SYNPO2: variants seen among roughly 807,000 people sequenced by gnomAD.
SYNPO2 encodes synaptopodin 2, also known as synaptopodin-2.
A neutral mutation model predicts 85.0 loss-of-function variants in SYNPO2; 56 were observed. The ratio of observed to expected loss-of-function variants is 0.66; its 90% CI spans 0.53 to 0.82. SYNPO2 has a LOEUF of 0.82. Among genes scored for constraint, SYNPO2 ranks in the 40% least tolerant of loss-of-function variants. The pLI, the probability that SYNPO2 is intolerant of heterozygous loss-of-function variation, is 0.00. For missense variants in SYNPO2, 1,575 were observed against 1,534.2 expected (o/e 1.03, Z -0.44); for synonymous variants, 602 against 591.1 (o/e 1.02, Z -0.27).
At chr4:118,856,935 A>C (rs1179412165) in intron 1 of SYNPO2, among the ~76,000 whole-genome samples, 1 of 152,198 alleles carries the variant, frequency 6.6e-6, no homozygotes, top group African/African-American at 2.4e-5. Context: ...TATTTTAAGT[A>C]AAGAATATGA....
At chr4:119,033,202 A>G in intron 4 of SYNPO2, 1 of 985,394 alleles carries the variant, frequency 1.0e-6, no homozygotes, top group Non-Finnish European at 1.2e-6. Flanking sequence ...GTAGGGTGAG[A>G]GCACACAATT....
At chr4:118,908,845 C>G (rs1197378873) in intron 1 of SYNPO2, among the ~76,000 whole-genome samples, 1 of 152,074 alleles carries the variant, frequency 6.6e-6, no homozygotes, top group Non-Finnish European at 1.5e-5. Context: ...CACAAAAGTA[C>G]TATAAAAACC....
chr4:118,937,687 A>C (rs28489518), intron 1 of SYNPO2, among the ~76,000 whole-genome samples: 1 of 152,198 alleles, frequency 6.6e-6, no homozygotes, highest in African/African-American at 2.4e-5. Flanking sequence ...AAGAAAAAAA[A>C]ATATAACTTT....
At chr4:118,974,708 T>C (rs1387638624) in intron 1 of SYNPO2, among the ~76,000 whole-genome samples, 2 of 152,206 alleles carry the variant, frequency 1.3e-5, no homozygotes, top group African/African-American at 2.4e-5. Context: ...TATGTTTCTT[T>C]CTTCTACCAA....
At chr4:118,893,252 A>G (rs556859116) in intron 1 of SYNPO2, among the ~76,000 whole-genome samples, 3 of 152,204 alleles carry the variant, frequency 2.0e-5, no homozygotes, top group Non-Finnish European at 4.4e-5. Flanking sequence ...CTTATTTTGG[A>G]ATTGTATATT....
Position 119,031,470 on chromosome 4 carries a change from C to G in SYNPO2, c.2695C>G (p.Arg899Gly), listed in dbSNP as rs1454997411. Residue 899 changes from arginine to glycine, a missense_variant, in exon 4 of 5, where the codon CGA (arginine) becomes GGA (glycine). This residue lies in a region of SYNPO2 where 1,508 missense variants were observed against 1,446.8 expected (regional missense o/e 1.04). Coordinates refer to ENST00000307142, the MANE Select transcript of SYNPO2 (RefSeq NM_133477.3). ...DSDTVQAHAA[R>G]AQSPTPSLPA... ...AGACACGGTGCAGGCCCACGCTGCT[C>G]GAGCTCAGTCTCCCACTCCATCTCT... 1.2e-6 allele frequency: 2 copies of G among 1,614,066 alleles called. No homozygotes were observed. Among genetic ancestry groups the G allele is most frequent in the African/African-American group, 1.3e-5 (1 of 74,998 alleles).
chr4:118,870,865 C>T (rs1731787139), intron 1 of SYNPO2, among the ~76,000 whole-genome samples: 1 of 152,158 alleles, frequency 6.6e-6, no homozygotes, highest in East Asian at 1.9e-4. Context: ...CAAAACTGCA[C>T]ATCCTGCATA....
At chr4:118,988,320 T>C (rs537720143) in intron 1 of SYNPO2, among the ~76,000 whole-genome samples, 5 of 152,140 alleles carry the variant, frequency 3.3e-5, no homozygotes, top group Non-Finnish European at 7.4e-5. Context: ...GTGTTTTTTT[T>C]TTTTCCTGGG....
At chr4:118,999,899 T>C (rs1736762433) in intron 1 of SYNPO2, among the ~76,000 whole-genome samples, 1 of 152,214 alleles carries the variant, frequency 6.6e-6, no homozygotes, top group South Asian at 2.1e-4. Flanking sequence ...AGATGTTCAA[T>C]ACCACCGTGT....
chr4:119,015,490 G>A (rs1737492258), intron 1 of SYNPO2, among the ~76,000 whole-genome samples: 1 of 152,128 alleles, frequency 6.6e-6, no homozygotes, highest in South Asian at 2.1e-4. Flanking sequence ...TTGGGTACAT[G>A]AGATGTTTAT....
intron 1 of SYNPO2, among the ~76,000 whole-genome samples, chr4:118,994,578 G>T (rs574319103): frequency 3.3e-5 from 5 of 152,236 alleles, no homozygotes; most frequent in African/African-American, 9.6e-5. Context: ...AGTACTAATT[G>T]GTTACAGAGG....
chr4:118,976,633 G>C (rs542133572), intron 1 of SYNPO2, among the ~76,000 whole-genome samples: 90 of 152,172 alleles, frequency 5.9e-4, no homozygotes, highest in African/African-American at 2.0e-3. Context: ...GTCCCCATCA[G>C]ATTAGTTAGA....
At chr4:118,962,509 A>C (rs915162870) in intron 1 of SYNPO2, among the ~76,000 whole-genome samples, 8 of 152,236 alleles carry the variant, frequency 5.3e-5, no homozygotes. Flanking sequence ...TAAAAACATT[A>C]ACCCTGCTAG....
Position 118,952,761 on chromosome 4 carries a change from G to A in SYNPO2, c.105+63620G>A, listed in dbSNP as rs1734743139. On this transcript the variant is annotated intron_variant, in intron 1 of 4. Coordinates refer to ENST00000307142, the MANE Select transcript of SYNPO2 (RefSeq NM_133477.3). ...TTTAGCACATTTGTTCAAAAATGAG[G>A]ATTTGCTCTCTCAGCAATGATACCA... Among the ~76,000 whole-genome samples the A allele has an allele frequency of 2.0e-5, 3 of 152,118 alleles. No homozygotes were observed. The South Asian group carries it at 6.2e-4, about 32-fold the overall frequency.
intron 1 of SYNPO2, among the ~76,000 whole-genome samples, chr4:119,003,261 A>G (rs1736890294): frequency 6.6e-6 from 1 of 152,164 alleles, no homozygotes; most frequent in South Asian, 2.1e-4. Context: ...GGGTGGCAGG[A>G]GAGAGAAGTG....
At chr4:118,917,648 A>G (rs956961103) in intron 1 of SYNPO2, among the ~76,000 whole-genome samples, 2 of 64,078 alleles carry the variant, frequency 3.1e-5, no homozygotes, top group Admixed American at 2.0e-4. Context: ...CTATGTAAAT[A>G]CATGTGCATA....
chr4:119,022,681 ATTTTAATTG>A (rs1737775354), intron 1 of SYNPO2, among the ~76,000 whole-genome samples: 3 of 144,924 alleles, frequency 2.1e-5, no homozygotes, highest in Non-Finnish European at 3.0e-5. Context: ...ATTTTATTTT[ATTTTAATTG>A]TATTTTATTT....
intron 1 of SYNPO2, among the ~76,000 whole-genome samples, chr4:118,853,963 C>G (rs990013064): frequency 6.6e-6 from 1 of 152,118 alleles, no homozygotes; most frequent in Non-Finnish European, 1.5e-5. Flanking sequence ...ATGGTGTAAA[C>G]CTTTCATATG....
chr4:118,955,722 A>G (rs1734851212), intron 1 of SYNPO2, among the ~76,000 whole-genome samples: 1 of 140,536 alleles, frequency 7.1e-6, no homozygotes, highest in African/African-American at 2.6e-5. Context: ...GCTTAAATCC[A>G]GATGTTACAA....
Sources: allele counts gnomAD v4.1 joint callset (sites outside exome capture counted in the v4.1 genomes callset), GRCh38; gene constraint gnomAD v4.1.1; regional missense constraint gnomAD v4.1.1; transcripts MANE v1.5; gene names NCBI Gene and HGNC (gene_info 2026-07-23, HGNC 2026-07-21).